PTPRD: variants seen among roughly 807,000 people sequenced by gnomAD.
The protein encoded by PTPRD is protein tyrosine phosphatase receptor type D, also known as receptor-type tyrosine-protein phosphatase delta.
In PTPRD, 34 loss-of-function variants were observed where a neutral mutation model predicts 214.5. That is an observed-to-expected ratio of 0.16 (90% CI 0.12 to 0.21). PTPRD has a LOEUF of 0.21. PTPRD is among the 10% of genes least tolerant of loss of function. The probability of loss-of-function intolerance (pLI) is 1.00; values close to 1 mark genes in which losing one functional copy is unlikely to be tolerated. For missense variants in PTPRD, 2,545 were observed against 2,398.7 expected (o/e 1.06, Z -1.27); for synonymous variants, 1,128 against 845.7 (o/e 1.33, Z -5.79).
At chr9:10,560,413 TG>T (rs2063647194) in intron 2 of PTPRD, among the ~76,000 whole-genome samples, 1 of 114,836 alleles carries the variant, frequency 8.7e-6, no homozygotes, top group African/African-American at 3.4e-5. Context: ...AGTTGTGGGG[TG>T]GGGGGAGTGG....
chr9:8,767,685 T>C (rs2094867858), intron 11 of PTPRD, among the ~76,000 whole-genome samples: 1 of 152,164 alleles, frequency 6.6e-6, no homozygotes, highest in Non-Finnish European at 1.5e-5. Flanking sequence ...ATCAGGGAGT[T>C]AAAAATTTTG....
intron 3 of PTPRD, among the ~76,000 whole-genome samples, chr9:10,174,652 G>C (rs1260446557): frequency 6.6e-6 from 1 of 151,744 alleles, no homozygotes; most frequent in Non-Finnish European, 1.5e-5. Context: ...GAAGTAGTCT[G>C]TGTATGTATT....
At chr9:9,502,980 T>G (rs1476705674) in intron 8 of PTPRD, among the ~76,000 whole-genome samples, 1 of 151,808 alleles carries the variant, frequency 6.6e-6, no homozygotes, top group Non-Finnish European at 1.5e-5. Flanking sequence ...AAATATCTTG[T>G]GTCTTGATTG....
At chr9:9,177,549 CATT>C (rs1487794016) in intron 10 of PTPRD, among the ~76,000 whole-genome samples, 3 of 151,878 alleles carry the variant, frequency 2.0e-5, no homozygotes, top group Non-Finnish European at 4.4e-5. Flanking sequence ...TGTTTTTTGT[CATT>C]ATGAACTCAA....
In PTPRD at chr9:10,418,446, T is replaced by TACACACAC. The variant is rs3076350; in HGVS notation, c.-599-77437_-599-77430dup. Among the ~76,000 whole-genome samples the TACACACAC allele has an allele frequency of 1.3e-3, 166 of 124,726 alleles. 2 individuals carry two copies. The highest frequency in any genetic ancestry group is 3.7e-3 in the East Asian group (15 of 4,054). 81.8% of individuals were successfully genotyped at this position (124,726 alleles called of 152,430 possible). A position where few individuals can be genotyped will look rare whatever the true frequency, so the allele number is the denominator to read the frequency against. On this transcript the variant is annotated intron_variant, in intron 2 of 45. Transcript: ENST00000381196. ...ACATTTAAAATGAAGCCTTCCCCTC[T>TACACACAC]ACACACACACACACACACACACACA... is the stretch of plus-strand genomic sequence containing the variant.
intron 7 of PTPRD, among the ~76,000 whole-genome samples, chr9:9,585,660 T>G (rs184981795): frequency 1.6e-3 from 238 of 152,186 alleles, no homozygotes; most frequent in African/African-American, 5.2e-3. Flanking sequence ...TTTTCAGCCC[T>G]TCATCCAATC....
chr9:8,597,080 T>C (rs1217436600), intron 14 of PTPRD, among the ~76,000 whole-genome samples: 2 of 152,154 alleles, frequency 1.3e-5, no homozygotes, highest in Non-Finnish European at 2.9e-5. Flanking sequence ...AAAGCGCATT[T>C]TTAAAATTAC....
intron 8 of PTPRD, among the ~76,000 whole-genome samples, chr9:9,468,053 G>C (rs1025863491): frequency 6.6e-6 from 1 of 151,974 alleles, no homozygotes; most frequent in African/African-American, 2.4e-5. Context: ...GAGCAGTTTT[G>C]CATTTGAATG....
intron 2 of PTPRD, among the ~76,000 whole-genome samples, chr9:10,453,056 C>T (rs1178749974): frequency 6.6e-6 from 1 of 151,592 alleles, no homozygotes; most frequent in Non-Finnish European, 1.5e-5. Flanking sequence ...ATTTTCTTAA[C>T]ATCATTTATT....
chr9:8,936,037 G>A (rs1283572525), intron 11 of PTPRD: 1 of 152,116 alleles, frequency 6.6e-6, no homozygotes, highest in Non-Finnish European at 1.5e-5. Flanking sequence ...CTCCAAAGAC[G>A]TGTTTGTTTC....
At chr9:8,434,557 G>A (rs916998958) in intron 35 of PTPRD, among the ~76,000 whole-genome samples, 1 of 152,122 alleles carries the variant, frequency 6.6e-6, no homozygotes, top group African/African-American at 2.4e-5. Flanking sequence ...TTATATTGGT[G>A]GAGAGTGAAT....
chr9:8,340,756 A>C (rs941098164), intron 41 of PTPRD, among the ~76,000 whole-genome samples: 7 of 152,082 alleles, frequency 4.6e-5, no homozygotes, highest in African/African-American at 1.2e-4. Context: ...CAAATTACTT[A>C]AGAAACACTT....
At chr9:9,295,512 C>G (rs967752420) in intron 9 of PTPRD, among the ~76,000 whole-genome samples, 3 of 151,610 alleles carry the variant, frequency 2.0e-5, no homozygotes, top group Non-Finnish European at 4.4e-5. Context: ...CATGAACAAC[C>G]AAATAACTAC....
At chr9:9,743,306 G>C (rs2098423331) in intron 6 of PTPRD, among the ~76,000 whole-genome samples, 1 of 152,140 alleles carries the variant, frequency 6.6e-6, no homozygotes, top group African/African-American at 2.4e-5. Flanking sequence ...AAAATGTCAA[G>C]AGTCTGTGTT....
At chr9:9,540,448 G>C (rs1285976764) in intron 8 of PTPRD, among the ~76,000 whole-genome samples, 1 of 151,798 alleles carries the variant, frequency 6.6e-6, no homozygotes, top group Non-Finnish European at 1.5e-5. Context: ...ACAATGTACA[G>C]TAATGAAGTC....
At chr9:8,738,847 C>G (rs2091171050) in intron 11 of PTPRD, among the ~76,000 whole-genome samples, 1 of 152,056 alleles carries the variant, frequency 6.6e-6, no homozygotes, top group African/African-American at 2.4e-5. Flanking sequence ...TTTCATTTTT[C>G]TATCATAACA....
chr9:10,008,001 T>C (rs1056849050), intron 4 of PTPRD, among the ~76,000 whole-genome samples: 3 of 152,040 alleles, frequency 2.0e-5, no homozygotes, highest in Non-Finnish European at 4.4e-5. Flanking sequence ...TCTTAGTAAG[T>C]TTATAAAGTA....
chr9:8,922,042 G>A (rs1460643205), intron 11 of PTPRD, among the ~76,000 whole-genome samples: 1 of 148,902 alleles, frequency 6.7e-6, no homozygotes, highest in Non-Finnish European at 1.5e-5. Flanking sequence ...AGTGAGAAGG[G>A]ATTAGTGGTT....
intron 7 of PTPRD, among the ~76,000 whole-genome samples, chr9:9,676,858 G>C (rs1258419199): frequency 2.0e-5 from 3 of 152,114 alleles, no homozygotes; most frequent in Non-Finnish European, 2.9e-5. Flanking sequence ...GTTTTGATTT[G>C]CATTTCTCTG....
Sources: gnomAD v4.1 joint callset for allele counts (sites outside exome capture counted in the v4.1 genomes callset) on GRCh38, gnomAD v4.1.1 for gene constraint, MANE v1.5 for transcripts, NCBI Gene and HGNC (gene_info 2026-07-23, HGNC 2026-07-21) for gene names.